The following MAN1A1 variants were observed in gnomAD, a reference collection of about 807,000 sequenced individuals.
MAN1A1 encodes mannosidase alpha class 1A member 1, also known as mannosyl-oligosaccharide 1,2-alpha-mannosidase IA.
Under a neutral mutation model 70.8 loss-of-function variants are expected in MAN1A1, and 29 were observed. That is an observed-to-expected ratio of 0.41 (90% CI 0.31 to 0.56). MAN1A1 has a LOEUF of 0.56. Among genes scored for constraint, MAN1A1 ranks in the 20% least tolerant of loss-of-function variants. The pLI is 0.29. For synonymous variants in MAN1A1, 349 were observed against 330.1 expected (o/e 1.06, Z -0.62); for missense variants, 747 against 841.3 (o/e 0.89, Z 1.39).
intron 6 of MAN1A1, among the ~76,000 whole-genome samples, chr6:119,212,489 A>G (rs1774083035): frequency 2.6e-5 from 4 of 152,158 alleles, no homozygotes; most frequent in Admixed American, 2.6e-4. Flanking sequence ...TAATTTACTG[A>G]GTGCTTACTC....
intron 2 of MAN1A1, 68 bp from the exon 3 acceptor site, chr6:119,307,060 T>C: frequency 9.7e-7 from 1 of 1,031,226 alleles, no homozygotes; most frequent in Non-Finnish European, 1.5e-6. Context: ...ATAGGTAATA[T>C]ATTGAAGAGC....
Position 119,241,748 on chromosome 6 carries a change from C to T in MAN1A1, c.992+6512G>A, listed in dbSNP as rs528406229. On this transcript the variant is annotated intron_variant, in intron 6 of 12. Coordinates refer to ENST00000368468, the MANE Select transcript of MAN1A1 (RefSeq NM_005907.4). ...AACTGAGATGAGAAATAAAGCTAAC[C>T]TCAGCATATAAATGCTGGATTTAAA... 4.5e-4 allele frequency among the ~76,000 whole-genome samples: 69 copies of T among 152,224 alleles called. No homozygotes were observed. The South Asian group carries it at 4.8e-3, about 11-fold the overall frequency.
chr6:119,263,703 T>C (rs1205629372), intron 5 of MAN1A1, among the ~76,000 whole-genome samples: 1 of 152,096 alleles, frequency 6.6e-6, no homozygotes, highest in African/African-American at 2.4e-5. Context: ...CCAGGGAGAT[T>C]AAGCAAAATA....
intron 6 of MAN1A1, among the ~76,000 whole-genome samples, chr6:119,208,231 T>C (rs143326209): frequency 1.9e-3 from 291 of 152,298 alleles, no homozygotes; most frequent in African/African-American, 6.5e-3. Flanking sequence ...AACTTCCAAC[T>C]TCTACATCAC....
intron 2 of MAN1A1, among the ~76,000 whole-genome samples, chr6:119,346,913 G>C (rs554305783): frequency 6.6e-6 from 1 of 152,308 alleles, no homozygotes; most frequent in South Asian, 2.1e-4. Flanking sequence ...TATTATTAAG[G>C]AGTCTGGGAG....
chr6:119,274,549 T>G (rs1776003677), intron 5 of MAN1A1, among the ~76,000 whole-genome samples: 1 of 152,258 alleles, frequency 6.6e-6, no homozygotes, highest in South Asian at 2.1e-4. Context: ...AGATATGATT[T>G]GAAAATTGAA....
At chr6:119,292,734 G>A (rs1359640460) in intron 4 of MAN1A1, among the ~76,000 whole-genome samples, 1 of 151,932 alleles carries the variant, frequency 6.6e-6, no homozygotes, top group Non-Finnish European at 1.5e-5. Context: ...AATAAGACTG[G>A]TGTGTTTAAC....
At chr6:119,308,360 T>C (rs1772589941) in intron 2 of MAN1A1, among the ~76,000 whole-genome samples, 1 of 152,162 alleles carries the variant, frequency 6.6e-6, no homozygotes, top group Non-Finnish European at 1.5e-5. Context: ...AAAGAATGTG[T>C]ATATGGTAGT....
intron 5 of MAN1A1, among the ~76,000 whole-genome samples, chr6:119,267,937 T>C (rs1404654343): frequency 1.3e-5 from 2 of 152,264 alleles, no homozygotes; most frequent in East Asian, 3.9e-4. Flanking sequence ...TGCATATGTA[T>C]GGTGGAGTTT....
intron 2 of MAN1A1, among the ~76,000 whole-genome samples, chr6:119,341,287 C>G (rs73527202): frequency 6.6e-6 from 1 of 152,108 alleles, no homozygotes; most frequent in Non-Finnish European, 1.5e-5. Context: ...CCAGCAAAGA[C>G]GTCCCACCTC....
chr6:119,201,412 T>G lies in MAN1A1; in HGVS notation c.1117-65A>C, dbSNP rs894776829. ...AACAATTTTCATGCCATTCTTCTTC[T>G]TCTTGAACATACAAGTTGACTTAAA... On this transcript the variant is annotated intron_variant, in intron 7 of 12. Transcript: ENST00000368468. The G allele has an allele frequency of 6.8e-6, 7 of 1,029,548 alleles. No individual in the cohort carries two copies. In the Admixed American group the frequency reaches 1.3e-4, roughly 19 times the overall value. The allele number at this position is 1,029,548 out of a possible 1,614,324, so 63.8% of individuals were successfully genotyped here.
At chr6:119,192,796 A>T (rs1014567937) in intron 9 of MAN1A1, among the ~76,000 whole-genome samples, 1 of 152,190 alleles carries the variant, frequency 6.6e-6, no homozygotes, top group African/African-American at 2.4e-5. Context: ...CCACTAAAAA[A>T]TTTTGTTCCT....
chr6:119,222,308 AT>A (rs1481633235), intron 6 of MAN1A1, among the ~76,000 whole-genome samples: 1 of 143,536 alleles, frequency 7.0e-6, no homozygotes, highest in Non-Finnish European at 1.5e-5. Flanking sequence ...AGTATCTTTC[AT>A]CTTTTTTTTT....
At position 119,178,611 on chromosome 6, in the gene MAN1A1, G is replaced by C. The variant is rs1358755219; in HGVS notation, c.*1208C>G. The stretch of plus-strand genomic sequence containing the variant: ...ATTTTGATTTACTCCAGGACTGTGG[G>C]GGATGGGGAGTGGCCATTTCTTTAT... On this transcript the variant is annotated 3_prime_UTR_variant, in exon 13 of 13. Transcript: ENST00000368468. 3 of 152,030 alleles carry C rather than the reference G, an allele frequency of 2.0e-5. No individual in the cohort carries two copies. Among genetic ancestry groups the C allele is most frequent in the Admixed American group, 2.0e-4 (3 of 15,262 alleles). 9.4% of individuals were successfully genotyped at this position (152,030 alleles called of 1,614,324 possible).
intron 6 of MAN1A1, among the ~76,000 whole-genome samples, chr6:119,215,271 AG>A (rs1186946678): frequency 1.3e-5 from 2 of 152,224 alleles, no homozygotes; most frequent in African/African-American, 4.8e-5. Flanking sequence ...AAAGGAAGAA[AG>A]AAAATAAAAA....
At chr6:119,200,175 G>T (rs975759930) in intron 8 of MAN1A1, among the ~76,000 whole-genome samples, 2 of 152,164 alleles carry the variant, frequency 1.3e-5, no homozygotes, top group East Asian at 1.9e-4. Flanking sequence ...GCAAGATACT[G>T]TGTACTGGCT....
chr6:119,245,491 C>T (rs1481362267), intron 6 of MAN1A1, among the ~76,000 whole-genome samples: 3 of 152,126 alleles, frequency 2.0e-5, no homozygotes, highest in Admixed American at 6.6e-5. Context: ...TGAAATGTCG[C>T]TTCTTGCCCT....
At chr6:119,333,567 A>G (rs1238329006) in intron 2 of MAN1A1, among the ~76,000 whole-genome samples, 1 of 152,236 alleles carries the variant, frequency 6.6e-6, no homozygotes, top group East Asian at 1.9e-4. Flanking sequence ...CCACAGAAAA[A>G]GACAGCTAAT....
chr6:119,208,343 A>G (rs1372984362), intron 6 of MAN1A1, among the ~76,000 whole-genome samples: 1 of 152,244 alleles, frequency 6.6e-6, no homozygotes, highest in Non-Finnish European at 1.5e-5. Flanking sequence ...TCAGTATTCT[A>G]TAAAGGTAAT....
Sources: gnomAD v4.1 joint callset for allele counts (sites outside exome capture counted in the v4.1 genomes callset) on GRCh38, gnomAD v4.1.1 for gene constraint, MANE v1.5 for transcripts, NCBI Gene and HGNC (gene_info 2026-07-23, HGNC 2026-07-21) for gene names.